The following KIF13A variants were observed in gnomAD, a reference collection of about 807,000 sequenced individuals.
KIF13A encodes kinesin-like protein KIF13A.
Under a neutral mutation model 212.2 loss-of-function variants are expected in KIF13A, and 79 were observed. The observed-to-expected ratio is 0.37, with a 90% CI of 0.31 to 0.45. KIF13A has a LOEUF of 0.45. Ranked by LOEUF, KIF13A falls within the 20% of genes least tolerant of loss-of-function variation. KIF13A has a pLI of 1.00. For missense variants in KIF13A, 1,901 were observed against 2,209.0 expected (o/e 0.86, Z 2.79); for synonymous variants, 789 against 808.6 (o/e 0.98, Z 0.41).
intron 17 of KIF13A, chr6:17,815,452 C>G (rs1368332475): frequency 5.9e-6 from 1 of 169,420 alleles, no homozygotes; most frequent in Non-Finnish European, 1.3e-5. Flanking sequence ...GGCACTGACG[C>G]TACTGCTAGA....
rs560195465 is a variant in KIF13A at position 17,934,502 on chromosome 6, G to A, written c.147-36322C>T. Among the ~76,000 whole-genome samples the A allele has an allele frequency of 6.6e-5, 10 of 152,180 alleles. No homozygotes were observed. Among genetic ancestry groups the A allele is most frequent in the South Asian group, 6.2e-4 (3 of 4,822 alleles). Reference sequence around the variant, plus strand: ...AATAATATCATAATAAAAAGACGCCGAAGGCCAGGCACCGTGGGTCATGCC... The same window carrying A: ...AATAATATCATAATAAAAAGACGCCAAAGGCCAGGCACCGTGGGTCATGCC... On this transcript the variant is annotated intron_variant, in intron 2 of 38. Transcript: ENST00000259711. The surrounding 1 kb of genome is among the most constrained non-coding windows in gnomAD (Gnocchi z 5.4).
intron 31 of KIF13A, 96 bp downstream of exon 31, chr6:17,780,634 C>A: frequency 1.7e-6 from 2 of 1,154,004 alleles, no homozygotes; most frequent in Non-Finnish European, 2.5e-6. Context: ...TCATGTTTTG[C>A]ACATCACAGC....
intron 2 of KIF13A, among the ~76,000 whole-genome samples, chr6:17,943,058 T>C (rs764105104): frequency 2.6e-5 from 4 of 152,192 alleles, no homozygotes; most frequent in Non-Finnish European, 4.4e-5. Flanking sequence ...TGGGTACTTA[T>C]ACCTTTAAAC....
rs747962867 is a variant in KIF13A at position 17,828,196 on chromosome 6, A to G, written c.1532+44T>C. 1.3e-6 allele frequency: 2 copies of G among 1,582,034 alleles called. No individual in the cohort carries two copies. The highest frequency in any genetic ancestry group is 2.3e-5 in the East Asian group (1 of 44,058). On this transcript the variant is annotated intron_variant, in intron 14 of 38. Coordinates refer to ENST00000259711, the MANE Select transcript of KIF13A (RefSeq NM_022113.6). The surrounding 1 kb of genome is among the most constrained non-coding windows in gnomAD (Gnocchi z 4.3). ...AAGAGGCAGCCTTCTCCTTCTGAAA[A>G]TAAGGCACACAAGACACGTGAAGTC...
chr6:17,855,988 GGCAT>G lies in KIF13A; in HGVS notation c.313+38_313+41del. On this transcript the variant is annotated intron_variant, in intron 5 of 38. Transcript: ENST00000259711. The surrounding 1 kb of genome is among the most constrained non-coding windows in gnomAD (Gnocchi z 4.1). ...AGCCTCACCAAGTCCTGGGATTATA[GGCAT>G]GATCCCCCACATCTGGTCTATAAAA... The G allele has an allele frequency of 7.4e-7, 1 of 1,349,828 alleles. No homozygotes were observed. The highest frequency in any genetic ancestry group is 1.1e-6 in the Non-Finnish European group (1 of 944,476). The allele number at this position is 1,349,828 out of a possible 1,614,324, so 83.6% of individuals were successfully genotyped here.
chr6:17,833,827 G>C, intron 12 of KIF13A, 134 bp downstream of exon 12: 1 of 495,414 alleles, frequency 2.0e-6, no homozygotes, highest in South Asian at 2.7e-5. Context: ...CTGCACCCCA[G>C]CCTGGGCGAC....
chr6:17,798,884 T>C (rs1000848290), intron 22 of KIF13A, among the ~76,000 whole-genome samples: 3 of 152,186 alleles, frequency 2.0e-5, no homozygotes, highest in Non-Finnish European at 4.4e-5. Context: ...GATGCGCAAA[T>C]TCTGAAATAT....
intron 2 of KIF13A, among the ~76,000 whole-genome samples, chr6:17,944,659 A>C (rs996248890): frequency 1.4e-4 from 21 of 152,138 alleles, no homozygotes; most frequent in African/African-American, 4.8e-4. Flanking sequence ...GAAACAAAAA[A>C]CACGTAGAAA....
Position 17,794,549 on chromosome 6 carries a change from A to G in KIF13A, c.3075+23T>C. The G allele has an allele frequency of 6.3e-7, 1 of 1,584,684 alleles. No individual in the cohort carries two copies. On this transcript the variant is annotated intron_variant, in intron 24 of 38. Transcript: ENST00000259711. The surrounding 1 kb of genome is among the most constrained non-coding windows in gnomAD (Gnocchi z 4.1). Reference sequence around the variant, plus strand: ...TGGAACAGAGAGAAAACATTAAAAAAAAACCCAAAACAAACTCAGTACCTG... The same window carrying G: ...TGGAACAGAGAGAAAACATTAAAAAGAAACCCAAAACAAACTCAGTACCTG...
At chr6:17,960,226 A>T (rs569603473) in intron 2 of KIF13A, among the ~76,000 whole-genome samples, 1 of 152,306 alleles carries the variant, frequency 6.6e-6, no homozygotes, top group South Asian at 2.1e-4. Context: ...CAAAGGGAAA[A>T]TCACTCTTTA....
rs1181182879 is a variant in KIF13A, at chr6:17,977,127, A to C, written c.146+9927T>G. Among the ~76,000 whole-genome samples, 57 of 151,300 alleles carry C rather than the reference A, an allele frequency of 3.8e-4. 2 individuals carry two copies. The highest frequency in any genetic ancestry group is 1.2e-3 in the Admixed American group (18 of 15,184). On this transcript the variant is annotated intron_variant, in intron 2 of 38. Transcript: ENST00000259711. ...AAAAAACAACAACAAAAAAAAAAAA[A>C]AAAAAAAAAGAAATGCACATTCCCA...
chr6:17,973,742 T>C (rs1238212635), intron 2 of KIF13A, among the ~76,000 whole-genome samples: 2 of 152,188 alleles, frequency 1.3e-5, no homozygotes, highest in Admixed American at 6.5e-5. Flanking sequence ...CAGAATCAGA[T>C]GGCACCCAGA....
intron 7 of KIF13A, 124 bp downstream of exon 7, chr6:17,851,831 G>A (rs1767682360): frequency 2.2e-6 from 1 of 452,620 alleles, no homozygotes; most frequent in Non-Finnish European, 3.9e-6. Context: ...TGCTGATACT[G>A]GGTTTCTGAG....
chr6:17,764,541 T>C lies in KIF13A; in HGVS notation c.4987A>G (p.Lys1663Glu). 1 of 1,614,018 alleles carries C rather than the reference T, an allele frequency of 6.2e-7. No homozygotes were observed. The highest frequency in any genetic ancestry group is 8.5e-7 in the Non-Finnish European group (1 of 1,179,894). The change falls in exon 39 of 39, where the codon AAG becomes GAG. Residue 1663 changes from lysine to glutamate, a missense_variant. Physicochemically the swap from Lys to Glu is moderately conservative, Grantham distance 56. Coordinates refer to ENST00000259711, the MANE Select transcript of KIF13A (RefSeq NM_022113.6). This position sits in a 1 kb window ranked among gnomAD's most constrained non-coding sequence, Gnocchi z 5.1. Reference sequence around the variant, plus strand: ...TCCTTGAGTGGCACCACAATTATCTTGTCCTTTACCAAGCCTTTTTCGACT... The same window carrying C: ...TCCTTGAGTGGCACCACAATTATCTCGTCCTTTACCAAGCCTTTTTCGACT... Reference protein sequence around the residue: ...TEVEKGLVKDKIIVVPLKENS... With the variant: ...TEVEKGLVKDEIIVVPLKENS...
At chr6:17,974,888 T>G (rs1251701973) in intron 2 of KIF13A, among the ~76,000 whole-genome samples, 1 of 152,226 alleles carries the variant, frequency 6.6e-6, no homozygotes, top group Non-Finnish European at 1.5e-5. Context: ...ATGTCAAGTA[T>G]TCAATGATCA....
rs183043514 is a variant in KIF13A at position 17,804,010 on chromosome 6, G to A, written c.2454+351C>T. Reference sequence around the variant, plus strand: ...CACTAAAAATACAAAAAATTAGCCCGATATGGTGGTGGGCGCCTGTAGTCC... The same window carrying A: ...CACTAAAAATACAAAAAATTAGCCCAATATGGTGGTGGGCGCCTGTAGTCC... On this transcript the variant is annotated intron_variant, in intron 20 of 38. Coordinates refer to ENST00000259711, the MANE Select transcript of KIF13A (RefSeq NM_022113.6). Among the ~76,000 whole-genome samples, 90 of 152,236 alleles carry A rather than the reference G, an allele frequency of 5.9e-4. No individual in the cohort carries two copies. The Middle Eastern group carries it at 0.014, about 23-fold the overall frequency.
intron 25 of KIF13A, among the ~76,000 whole-genome samples, chr6:17,793,688 G>A (rs887884256): frequency 6.6e-6 from 1 of 151,870 alleles, no homozygotes; most frequent in Non-Finnish European, 1.5e-5. Context: ...TGAGGCAGGA[G>A]GATCACTTGA....
chr6:17,983,610 A>G (rs1394343405), intron 2 of KIF13A, among the ~76,000 whole-genome samples: 1 of 151,408 alleles, frequency 6.6e-6, no homozygotes, highest in Non-Finnish European at 1.5e-5. Context: ...CTCCTGCCTT[A>G]GGCTCCTAGG....
rs1581540531 is a variant in KIF13A at position 17,856,565 on chromosome 6, T to C, written c.221-443A>G. 6.6e-6 allele frequency among the ~76,000 whole-genome samples: 1 copy of C among 152,210 alleles called. No individual in the cohort carries two copies. Among genetic ancestry groups the C allele is most frequent in the African/African-American group, 2.4e-5 (1 of 41,458 alleles). ...TTGGTGTTTTGTACATGCCAAGTGC[T>C]AAAAACCGTTAGTTGCTGAGGATGG... On this transcript the variant is annotated intron_variant, in intron 4 of 38. Coordinates refer to ENST00000259711, the MANE Select transcript of KIF13A (RefSeq NM_022113.6). This position sits in a 1 kb window ranked among gnomAD's most constrained non-coding sequence, Gnocchi z 4.5.
Sources: allele counts gnomAD v4.1 joint callset (sites outside exome capture counted in the v4.1 genomes callset), GRCh38; gene constraint gnomAD v4.1.1; non-coding constraint Gnocchi (gnomAD v3.1); transcripts MANE v1.5; gene names NCBI Gene and HGNC (gene_info 2026-07-23, HGNC 2026-07-21).